Variants in PALLD observed in about 807,000 individuals in gnomAD.
PALLD encodes the protein palladin, cytoskeletal associated protein.
In PALLD, 61 loss-of-function variants were observed where a neutral mutation model predicts 123.5. The observed-to-expected ratio is 0.49, with a 90% CI of 0.40 to 0.61. PALLD has a LOEUF of 0.61. Ranked by LOEUF, PALLD falls within the 20% of genes least tolerant of loss-of-function variation. PALLD has a pLI of 0.00. For synonymous variants in PALLD, 465 were observed against 496.4 expected (o/e 0.94, Z 0.84); for missense variants, 1,273 against 1,377.0 (o/e 0.92, Z 1.20).
chr4:168,668,166 C>T, intron 2 of PALLD, 24 bp from the exon 3 acceptor site: 3 of 1,598,160 alleles, frequency 1.9e-6, no homozygotes, highest in Non-Finnish European at 1.7e-6. Flanking sequence ...CCCTCCTATC[C>T]TTTGACCTCC....
chr4:168,878,456 C>T (rs1356776913), intron 10 of PALLD: 2 of 1,280,204 alleles, frequency 1.6e-6, no homozygotes, highest in African/African-American at 1.5e-5. Flanking sequence ...CCTGGGACTC[C>T]CACATCTCCA....
At chr4:168,665,970 C>T (rs932889404) in intron 2 of PALLD, among the ~76,000 whole-genome samples, 2 of 107,670 alleles carry the variant, frequency 1.9e-5, no homozygotes, top group East Asian at 2.3e-4. Flanking sequence ...ATGTTCCCCG[C>T]CCCCCACCAA....
At chr4:168,713,242 C>T (rs1785011450) in intron 10 of PALLD, among the ~76,000 whole-genome samples, 1 of 152,208 alleles carries the variant, frequency 6.6e-6, no homozygotes, top group Admixed American at 6.5e-5. Flanking sequence ...GCGCCATCTC[C>T]ATTCAGAGGC....
intron 2 of PALLD, among the ~76,000 whole-genome samples, chr4:168,524,284 A>G (rs768852065): frequency 3.3e-5 from 5 of 152,202 alleles, no homozygotes; most frequent in Non-Finnish European, 7.4e-5. Context: ...TCATAAAACA[A>G]TGGTATCTAG....
chr4:168,854,161 GTCAT>G (rs35153183), intron 10 of PALLD, among the ~76,000 whole-genome samples: 88,808 of 151,182 alleles, frequency 0.59, 28,883 homozygotes, highest in East Asian at 0.88. Context: ...TACTCATGGA[GTCAT>G]TCATTCATTC....
At chr4:168,574,336 G>A (rs1024147767) in intron 2 of PALLD, among the ~76,000 whole-genome samples, 3 of 152,024 alleles carry the variant, frequency 2.0e-5, no homozygotes, top group African/African-American at 4.8e-5. Context: ...GAAAGAAAAT[G>A]CTCACACAGA....
chr4:168,895,450 G>A (rs1754915801), intron 12 of PALLD, among the ~76,000 whole-genome samples: 1 of 152,200 alleles, frequency 6.6e-6, no homozygotes, highest in Non-Finnish European at 1.5e-5. Flanking sequence ...ACAGCCTACT[G>A]TTGACCAGAA....
intron 1 of PALLD, among the ~76,000 whole-genome samples, chr4:168,504,302 A>G (rs1761757425): frequency 6.6e-6 from 1 of 152,164 alleles, no homozygotes; most frequent in African/African-American, 2.4e-5. Flanking sequence ...AAATTAAAAA[A>G]CAGTTGTGGT....
chr4:168,799,541 G>A (rs992113951), intron 10 of PALLD, among the ~76,000 whole-genome samples: 3 of 152,154 alleles, frequency 2.0e-5, no homozygotes, highest in Non-Finnish European at 2.9e-5. Context: ...AATAGGGTTT[G>A]GAATTCAAGT....
chr4:168,810,533 G>A (rs1269048185), intron 10 of PALLD, among the ~76,000 whole-genome samples: 2 of 152,108 alleles, frequency 1.3e-5, no homozygotes, highest in Non-Finnish European at 2.9e-5. Context: ...GCAGGCACCT[G>A]TAATCCCAGC....
intron 10 of PALLD, among the ~76,000 whole-genome samples, chr4:168,795,521 A>G (rs1411293328): frequency 6.6e-6 from 1 of 151,606 alleles, no homozygotes; most frequent in Non-Finnish European, 1.5e-5. Flanking sequence ...GTCCACCACA[A>G]TGATTAACAT....
rs1403366926 is a variant in PALLD, at chr4:168,928,307, C to T, written c.*2127C>T. 1 of 163,040 alleles carries T rather than the reference C, an allele frequency of 6.1e-6. No homozygotes were observed. The highest frequency in any genetic ancestry group is 1.3e-5 in the Non-Finnish European group (1 of 78,740). The allele number at this position is 163,040 out of a possible 1,614,324, so 10.1% of individuals were successfully genotyped here. On this transcript the variant is annotated 3_prime_UTR_variant, in exon 22 of 22. Transcript: ENST00000505667. ...TTGGGATTAACTAGCATTATTTTGC[C>T]ACCTTTATATTGTATTTATAAAAAA... is the stretch of plus-strand genomic sequence containing the variant.
intron 3 of PALLD, among the ~76,000 whole-genome samples, chr4:168,672,656 C>T (rs1241898352): frequency 3.9e-5 from 6 of 152,042 alleles, no homozygotes; most frequent in Admixed American, 6.6e-5. Flanking sequence ...GATGGGGTTT[C>T]GCCGTGTTAG....
intron 4 of PALLD, among the ~76,000 whole-genome samples, chr4:168,682,168 T>C (rs1487896229): frequency 6.6e-6 from 1 of 152,162 alleles, no homozygotes; most frequent in South Asian, 2.1e-4. Flanking sequence ...TACCAATTAT[T>C]AAAATGTTAA....
At chr4:168,565,514 AC>A (rs1768285196) in intron 2 of PALLD, among the ~76,000 whole-genome samples, 1 of 152,004 alleles carries the variant, frequency 6.6e-6, no homozygotes, top group Non-Finnish European at 1.5e-5. Flanking sequence ...TTCAGCTAAA[AC>A]CTATCCAGCT....
intron 2 of PALLD, among the ~76,000 whole-genome samples, chr4:168,656,253 C>A (rs1047865445): frequency 8.9e-6 from 1 of 112,830 alleles, no homozygotes; most frequent in Non-Finnish European, 1.7e-5. Flanking sequence ...CCACCCCCCA[C>A]CCCCAACGCT....
intron 1 of PALLD, among the ~76,000 whole-genome samples, chr4:168,501,655 T>C (rs2712147): frequency 0.72 from 109,615 of 151,406 alleles, 40,117 homozygotes; most frequent in African/African-American, 0.83. Context: ...AGGCACATGT[T>C]GAAATTCACC....
intron 10 of PALLD, among the ~76,000 whole-genome samples, chr4:168,748,994 CCAA>C (rs776029785): frequency 1.3e-5 from 2 of 152,172 alleles, no homozygotes; most frequent in Non-Finnish European, 2.9e-5. Context: ...TATGTCCCTG[CCAA>C]ATCTCATGTT....
intron 10 of PALLD, among the ~76,000 whole-genome samples, chr4:168,723,316 G>A (rs954809933): frequency 3.3e-5 from 5 of 152,180 alleles, no homozygotes; most frequent in Admixed American, 1.3e-4. Flanking sequence ...CAGATATTTC[G>A]TAGTGATGGC....
Sources: allele counts gnomAD v4.1 joint callset (sites outside exome capture counted in the v4.1 genomes callset), GRCh38; gene constraint gnomAD v4.1.1; transcripts MANE v1.5; gene names NCBI Gene and HGNC (gene_info 2026-07-23, HGNC 2026-07-21).